The following SLC25A38 variants were observed in gnomAD, a reference collection of about 807,000 sequenced individuals.
The protein encoded by SLC25A38 is mitochondrial glycine transporter.
Under a neutral mutation model 33.4 loss-of-function variants are expected in SLC25A38, and 27 were observed. The ratio of observed to expected loss-of-function variants is 0.81; its 90% CI spans 0.60 to 1.11. The LOEUF is 1.11. Among genes scored for constraint, SLC25A38 ranks in the 50% most tolerant of loss-of-function variants. The pLI, the probability that SLC25A38 is intolerant of heterozygous loss-of-function variation, is 0.00. For synonymous variants in SLC25A38, 123 were observed against 145.9 expected, an observed-to-expected ratio of 0.84 and a Z score of 1.13; for missense variants, 344 against 388.8, an observed-to-expected ratio of 0.88 and a Z score of 0.97.
rs1433203027 is a variant in SLC25A38, at chr3:39,397,107, A to T, written c.*587A>T. ...CTAGCCTCTGAATGTTCCAAATAAA[A>T]TTTTTTGGTCTTGGCCCCTGTACTG... is the stretch of plus-strand genomic sequence containing the variant. On this transcript the variant is annotated 3_prime_UTR_variant, in exon 7 of 7. Coordinates refer to ENST00000650617, the MANE Select transcript of SLC25A38 (RefSeq NM_017875.4). 1.8e-5 allele frequency: 3 copies of T among 164,526 alleles called. No homozygotes were observed. Among genetic ancestry groups the T allele is most frequent in the Admixed American group, 1.7e-4 (3 of 17,860 alleles). The allele number at this position is 164,526 out of a possible 1,614,324, so 10.2% of individuals were successfully genotyped here.
At chr3:39,390,585 C>A in intron 3 of SLC25A38, 78 bp downstream of exon 3, 1 of 1,428,304 alleles carries the variant, frequency 7.0e-7, no homozygotes, top group African/African-American at 1.4e-5. Context: ...CTTACCAGCT[C>A]TTAAGGATAT....
chr3:39,392,131 G>A, intron 5 of SLC25A38, 110 bp downstream of exon 5: 5 of 1,397,992 alleles, frequency 3.6e-6, no homozygotes, highest in Non-Finnish European at 5.0e-6. Context: ...GTTAGGAACT[G>A]AGCCATATCA....
chr3:39,390,376 G>A, intron 2 of SLC25A38, 47 bp from the exon 3 acceptor site: 1 of 1,585,882 alleles, frequency 6.3e-7, no homozygotes, highest in Non-Finnish European at 8.7e-7. Context: ...ATGAGGAAGT[G>A]ATCTAAGTGA....
In SLC25A38 at chr3:39,389,013, A is replaced by G. The variant is rs1454884112; in HGVS notation, c.70-482A>G. Among the ~76,000 whole-genome samples, 1 of 152,234 alleles carries G rather than the reference A, an allele frequency of 6.6e-6. No individual in the cohort carries two copies. Among genetic ancestry groups the G allele is most frequent in the Non-Finnish European group, 1.5e-5 (1 of 68,054 alleles). On this transcript the variant is annotated intron_variant, in intron 1 of 6. Transcript: ENST00000650617. This position sits in a 1 kb window ranked among gnomAD's most constrained non-coding sequence, Gnocchi z 4.5. ...GAAGGAAATACTAGGTTCTACAGGA[A>G]GTGGCACTTACATTTTACACAGTGG...
At position 39,396,616 on chromosome 3, in the gene SLC25A38, A is replaced by G; in HGVS notation, c.*96A>G. 9 of 1,600,900 alleles carry G rather than the reference A, an allele frequency of 5.6e-6. No individual in the cohort carries two copies. The highest frequency in any genetic ancestry group is 7.7e-6 in the Non-Finnish European group (9 of 1,171,692). On this transcript the variant is annotated 3_prime_UTR_variant, in exon 7 of 7. Transcript: ENST00000650617. Reference sequence around the variant, plus strand: ...CTATTCTGCAGTAAGATGAAGTCCTACCTGGAAAACCAGGCAGAAATTGTG... The same window carrying G: ...CTATTCTGCAGTAAGATGAAGTCCTGCCTGGAAAACCAGGCAGAAATTGTG...
rs548052650 is a variant in SLC25A38 at position 39,383,900 on chromosome 3, G to A, written c.69+107G>A. ...GCTACCCTTTTCCGCGCCCCAGGGTGCGCTCAGGATTTAGGATGCGGCGGG... is the reference window on the plus strand; with the variant it reads ...GCTACCCTTTTCCGCGCCCCAGGGTACGCTCAGGATTTAGGATGCGGCGGG... On this transcript the variant is annotated intron_variant, in intron 1 of 6. Coordinates refer to ENST00000650617, the MANE Select transcript of SLC25A38 (RefSeq NM_017875.4). 8 of 1,279,006 alleles carry A rather than the reference G, an allele frequency of 6.3e-6. No homozygotes were observed. In the South Asian group the frequency reaches 1.0e-4, roughly 16 times the overall value. The allele number at this position is 1,279,006 out of a possible 1,614,324, so 79.2% of individuals were successfully genotyped here.
chr3:39,396,504 T>C lies in SLC25A38; in HGVS notation c.899T>C (p.Met300Thr). 6.2e-7 allele frequency: 1 copy of C among 1,614,118 alleles called. No individual in the cohort carries two copies. Among genetic ancestry groups the C allele is most frequent in the Non-Finnish European group, 8.5e-7 (1 of 1,180,014 alleles). The change falls in exon 7 of 7, where the codon ATG (methionine) becomes ACG (threonine). Residue 300 changes from methionine to threonine, a missense_variant. Physicochemically the swap from Met to Thr is moderately conservative, Grantham distance 81. Transcript: ENST00000650617. ...GTGTATGAAGAGATGATGGCCAAGA[T>C]GGGCCTGAAGTCCTGACCAAGAGAG... is the stretch of plus-strand genomic sequence containing the variant. ...WTVYEEMMAK[M>T]GLKS
intron 5 of SLC25A38, among the ~76,000 whole-genome samples, chr3:39,392,641 G>A (rs776921536): frequency 4.6e-5 from 7 of 151,926 alleles, no homozygotes; most frequent in Non-Finnish European, 7.4e-5. Context: ...AGTAAACAAC[G>A]ACCCAAGCAG....
In SLC25A38 at chr3:39,394,426, C is replaced by A; in HGVS notation, c.642C>A (p.Thr214=). Residue 214 remains threonine (T), a synonymous_variant, in exon 6 of 7, where the codon ACC becomes ACA. Transcript: ENST00000650617. ...CTATTTCAGACCAGGTGGATGCAAC[C>A]CTTATTCCTATTACAAATTTCAGCT... ...NIVPHDQVDA[T]LIPITNFSCG... 1.2e-6 allele frequency: 2 copies of A among 1,612,958 alleles called. No individual in the cohort carries two copies. The highest frequency in any genetic ancestry group is 1.7e-6 in the Non-Finnish European group (2 of 1,179,986).
intron 1 of SLC25A38, chr3:39,384,841 C>T (rs1367643420): frequency 1.5e-5 from 6 of 388,554 alleles, no homozygotes; most frequent in Admixed American, 4.5e-5. Flanking sequence ...CGCCCTGTCG[C>T]CCGCGCTGGA....
intron 1 of SLC25A38, among the ~76,000 whole-genome samples, chr3:39,388,718 T>C (rs2125577091): frequency 6.6e-6 from 1 of 152,288 alleles, no homozygotes; most frequent in Admixed American, 6.5e-5. Flanking sequence ...CACAGTCATT[T>C]GTGATACTAC....
chr3:39,392,327 G>A (rs2041781365), intron 5 of SLC25A38, among the ~76,000 whole-genome samples: 1 of 152,114 alleles, frequency 6.6e-6, no homozygotes, highest in African/African-American at 2.4e-5. Flanking sequence ...TCCCAAATTT[G>A]ATCTTAAGAT....
intron 4 of SLC25A38, 100 bp downstream of exon 4, chr3:39,391,720 A>G: frequency 1.3e-6 from 2 of 1,598,090 alleles, no homozygotes; most frequent in Non-Finnish European, 8.6e-7. Context: ...AATCTAACAT[A>G]GAGTCTGATG....
intron 1 of SLC25A38, among the ~76,000 whole-genome samples, chr3:39,385,161 C>T (rs1399958512): frequency 6.6e-6 from 1 of 152,120 alleles, no homozygotes; most frequent in Non-Finnish European, 1.5e-5. Flanking sequence ...TCACCATTGA[C>T]AAAAATCTTA....
intron 1 of SLC25A38, chr3:39,388,365 C>G (rs2041727033): frequency 6.6e-6 from 1 of 152,124 alleles, no homozygotes; most frequent in African/African-American, 2.4e-5. Context: ...CTGCCTCCAA[C>G]AGTCTTATGA....
intron 5 of SLC25A38, 96 bp downstream of exon 5, chr3:39,392,117 G>A: frequency 6.6e-7 from 1 of 1,508,652 alleles, no homozygotes; most frequent in Non-Finnish European, 9.2e-7. Flanking sequence ...TCTCTTAGCA[G>A]AGTGTTAGGA....
At chr3:39,387,944 G>A (rs144430080) in intron 1 of SLC25A38, 1,875 of 152,984 alleles carry the variant, frequency 0.012, 40 homozygotes, top group African/African-American at 0.043. Context: ...TGTGTTAGTG[G>A]AGGAGATTTA....
intron 1 of SLC25A38, among the ~76,000 whole-genome samples, chr3:39,386,771 C>T (rs1482700715): frequency 2.6e-5 from 4 of 152,010 alleles, no homozygotes; most frequent in African/African-American, 9.7e-5. Flanking sequence ...AGGCCAAGTC[C>T]AAGGATGGTG....
At position 39,389,865 on chromosome 3, in the gene SLC25A38, G is replaced by A. The variant is rs1022294212; in HGVS notation, c.191+249G>A. Among the ~76,000 whole-genome samples the A allele has an allele frequency of 6.6e-6, 1 of 152,180 alleles. No homozygotes were observed. The highest frequency in any genetic ancestry group is 2.4e-5 in the African/African-American group (1 of 41,432). On this transcript the variant is annotated intron_variant, in intron 2 of 6. Coordinates refer to ENST00000650617, the MANE Select transcript of SLC25A38 (RefSeq NM_017875.4). The surrounding 1 kb of genome is among the most constrained non-coding windows in gnomAD (Gnocchi z 4.5). ...ACACTTTATTGTGTTAGCTTGTGAT[G>A]TTATAACTGTATTGCCTGGCATGAG...
Sources: allele counts gnomAD v4.1 joint callset (sites outside exome capture counted in the v4.1 genomes callset), GRCh38; gene constraint gnomAD v4.1.1; non-coding constraint Gnocchi (gnomAD v3.1); transcripts MANE v1.5; gene names NCBI Gene and HGNC (gene_info 2026-07-23, HGNC 2026-07-21).